The following CCDC171 variants were observed in gnomAD, a reference collection of about 807,000 sequenced individuals.
CCDC171 encodes the protein coiled-coil domain containing 171.
A neutral mutation model predicts 168.2 loss-of-function variants in CCDC171; 177 were observed. The ratio of observed to expected loss-of-function variants is 1.05; its 90% CI spans 0.93 to 1.19. CCDC171 has a LOEUF of 1.19. CCDC171 is among the 50% of genes most tolerant of loss of function. The pLI, the probability that CCDC171 is intolerant of heterozygous loss-of-function variation, is 0.00. For synonymous variants in CCDC171, 687 were observed against 540.8 expected, an observed-to-expected ratio of 1.27 and a Z score of -3.75; for missense variants, 1,991 against 1,539.0, an observed-to-expected ratio of 1.29 and a Z score of -4.91.
chr9:15,641,857 T>A (rs2046634051), intron 7 of CCDC171, among the ~76,000 whole-genome samples: 1 of 152,192 alleles, frequency 6.6e-6, no homozygotes. Flanking sequence ...GTGATAACTT[T>A]GTGTTACATA....
At chr9:15,580,278 G>C (rs2041008096) in intron 4 of CCDC171, among the ~76,000 whole-genome samples, 1 of 152,040 alleles carries the variant, frequency 6.6e-6, no homozygotes, top group South Asian at 2.1e-4. Flanking sequence ...GATAACATTG[G>C]AAAAACTATT....
intron 23 of CCDC171, among the ~76,000 whole-genome samples, chr9:15,857,009 T>C (rs1254130485): frequency 6.6e-6 from 1 of 152,042 alleles, no homozygotes; most frequent in Non-Finnish European, 1.5e-5. Context: ...GTATGTCTTC[T>C]TTGGATAAAT....
At chr9:15,948,608 G>T (rs9722213) in intron 25 of CCDC171, among the ~76,000 whole-genome samples, 47,160 of 150,424 alleles carry the variant, frequency 0.31, 9,096 homozygotes, top group East Asian at 0.61. Context: ...GTGTTTTTTG[G>T]CTGCATAAAT....
intron 9 of CCDC171, among the ~76,000 whole-genome samples, chr9:15,678,551 C>T (rs2049805784): frequency 6.6e-6 from 1 of 152,108 alleles, no homozygotes; most frequent in African/African-American, 2.4e-5. Context: ...ACTACAAATA[C>T]CTACTATCAA....
intron 6 of CCDC171, among the ~76,000 whole-genome samples, chr9:15,610,531 G>A (rs1254278513): frequency 2.0e-5 from 3 of 148,740 alleles, no homozygotes; most frequent in Non-Finnish European, 4.4e-5. Flanking sequence ...GGGAGGCTGA[G>A]GCAGGAGAAT....
rs115901695 is a variant in CCDC171, at chr9:15,610,713, A to G, written c.676-12554A>G. On this transcript the variant is annotated intron_variant, in intron 6 of 25. Transcript: ENST00000380701. Reference sequence around the variant, plus strand: ...CCTGGGACTACAGGTGTGCACGACCATACCTGGCTAATTTTTTCTGTTCTT... The same window carrying G: ...CCTGGGACTACAGGTGTGCACGACCGTACCTGGCTAATTTTTTCTGTTCTT... 6.3e-3 allele frequency among the ~76,000 whole-genome samples: 949 copies of G among 151,834 alleles called. 7 individuals carry two copies. Among genetic ancestry groups the G allele is most frequent in the African/African-American group, 0.022 (924 of 41,414 alleles).
At chr9:15,649,943 G>T (rs7042593) in intron 7 of CCDC171, among the ~76,000 whole-genome samples, 141,018 of 152,216 alleles carry the variant, frequency 0.93, 65,510 homozygotes, top group East Asian at 1. Context: ...TAAAGACACA[G>T]GCACACGTAT....
chr9:15,874,529 T>C lies in CCDC171; in HGVS notation c.3469-3T>C. On this transcript the variant is annotated splice_polypyrimidine_tract_variant and splice_region_variant and intron_variant, in intron 23 of 25. Transcript: ENST00000380701. ...ACCATTGATGCTGTTTTTTTCCCTT[T>C]AGGTCAGAGATCAGATCTCGCTGTC... is the stretch of plus-strand genomic sequence containing the variant. The C allele has an allele frequency of 6.3e-7, 1 of 1,592,448 alleles. No homozygotes were observed. The highest frequency in any genetic ancestry group is 2.3e-5 in the East Asian group (1 of 43,626).
At chr9:15,789,003 A>G (rs1434678814) in intron 21 of CCDC171, among the ~76,000 whole-genome samples, 2 of 151,774 alleles carry the variant, frequency 1.3e-5, no homozygotes, top group Non-Finnish European at 2.9e-5. Context: ...ACATAAAGGA[A>G]ATCTCCAAGG....
At chr9:15,787,747 A>G (rs1035891733) in intron 21 of CCDC171, among the ~76,000 whole-genome samples, 3 of 152,212 alleles carry the variant, frequency 2.0e-5, no homozygotes, top group African/African-American at 7.2e-5. Context: ...CCTAAGATAT[A>G]TGAGAATGGC....
At chr9:15,582,159 C>T (rs1032332273) in intron 4 of CCDC171, among the ~76,000 whole-genome samples, 1 of 152,214 alleles carries the variant, frequency 6.6e-6, no homozygotes, top group South Asian at 2.1e-4. Flanking sequence ...TTTATGCAAC[C>T]AACAAACATA....
At chr9:16,012,603 T>A (rs1030261910) in intron 3 of CCDC171, among the ~76,000 whole-genome samples, 3 of 35,868 alleles carry the variant, frequency 8.4e-5, no homozygotes, top group Non-Finnish European at 2.1e-4. Flanking sequence ...TATGGATTGC[T>A]GGTTGTTTTT....
At chr9:15,809,672 G>A (rs1030285575) in intron 21 of CCDC171, among the ~76,000 whole-genome samples, 1 of 152,142 alleles carries the variant, frequency 6.6e-6, no homozygotes, top group African/African-American at 2.4e-5. Context: ...TGGTCTCACT[G>A]GCCTCAGGAG....
At chr9:15,744,916 T>C in intron 17 of CCDC171, 139 bp downstream of exon 17, 1 of 791,518 alleles carries the variant, frequency 1.3e-6, no homozygotes, top group Admixed American at 3.0e-5. Flanking sequence ...TATGTACGTA[T>C]ATGTGTGTAT....
intron 10 of CCDC171, among the ~76,000 whole-genome samples, chr9:15,689,306 T>C (rs1230787322): frequency 6.6e-6 from 1 of 152,326 alleles, no homozygotes; most frequent in East Asian, 1.9e-4. Flanking sequence ...GCAATCTCCA[T>C]CAAAATCTCA....
rs1234496525 is a variant in CCDC171, at chr9:15,919,869, A to T, written c.3601-401A>T. Among the ~76,000 whole-genome samples the T allele has an allele frequency of 2.0e-5, 3 of 151,694 alleles. No homozygotes were observed. In the East Asian group the frequency reaches 5.8e-4, roughly 29 times the overall value. ...GTTTTTTAGGTGGTTTAAAAATTTT[A>T]CTAACTCAGCTTATTTTGAAATACC... On this transcript the variant is annotated intron_variant, in intron 24 of 25. Transcript: ENST00000380701.
intron 6 of CCDC171, among the ~76,000 whole-genome samples, chr9:16,023,156 C>T (rs1410955164): frequency 2.0e-5 from 3 of 151,888 alleles, no homozygotes; most frequent in East Asian, 1.9e-4. Context: ...TGCAGTGGCG[C>T]GATCGGGTTC....
chr9:16,007,802 G>T (rs1038200715), intron 3 of CCDC171, among the ~76,000 whole-genome samples: 1 of 152,106 alleles, frequency 6.6e-6, no homozygotes, highest in Admixed American at 6.5e-5. Context: ...TCTCTGTTTT[G>T]GTAACAGTAC....
At chr9:15,924,581 A>G (rs1825698465) in intron 25 of CCDC171, among the ~76,000 whole-genome samples, 1 of 151,586 alleles carries the variant, frequency 6.6e-6, no homozygotes, top group Non-Finnish European at 1.5e-5. Flanking sequence ...TTCCTACTAC[A>G]GCCTTGAGCA....
Sources: gnomAD v4.1 joint callset for allele counts (sites outside exome capture counted in the v4.1 genomes callset) on GRCh38, gnomAD v4.1.1 for gene constraint, MANE v1.5 for transcripts, NCBI Gene and HGNC (gene_info 2026-07-23, HGNC 2026-07-21) for gene names.